Variants in CNTN4 observed in about 807,000 individuals in gnomAD.
CNTN4 encodes the protein contactin 4.
In CNTN4, 77 loss-of-function variants were observed where a neutral mutation model predicts 122.5. That is an observed-to-expected ratio of 0.63 (90% CI 0.52 to 0.76). CNTN4 has a LOEUF of 0.76. CNTN4 is among the 30% of genes least tolerant of loss of function. The pLI is 0.00. For missense variants in CNTN4, 1,256 were observed against 1,259.1 expected (o/e 1.00, Z 0.04); for synonymous variants, 512 against 447.0 (o/e 1.15, Z -1.83).
At chr3:2,334,121 T>G (rs895922840) in intron 2 of CNTN4, among the ~76,000 whole-genome samples, 18 of 152,208 alleles carry the variant, frequency 1.2e-4, no homozygotes, top group African/African-American at 4.3e-4. Flanking sequence ...TATCATTAAT[T>G]GAATACCTGC....
chr3:2,439,010 A>G (rs1162780967), intron 3 of CNTN4, among the ~76,000 whole-genome samples: 3 of 152,216 alleles, frequency 2.0e-5, no homozygotes, highest in African/African-American at 7.2e-5. Context: ...GACTGTGGCC[A>G]TGGTCACCCT....
intron 6 of CNTN4, among the ~76,000 whole-genome samples, chr3:2,754,735 G>T (rs373843302): frequency 6.7e-6 from 1 of 150,030 alleles, no homozygotes; most frequent in Non-Finnish European, 1.5e-5. Context: ...CTGCTGTTGC[G>T]GAATGAAGTG....
intron 3 of CNTN4, among the ~76,000 whole-genome samples, chr3:2,460,146 C>G (rs2049151712): frequency 6.6e-6 from 1 of 151,876 alleles, no homozygotes; most frequent in Non-Finnish European, 1.5e-5. Flanking sequence ...GGGAGGTCAC[C>G]CTGACAATAG....
intron 3 of CNTN4, among the ~76,000 whole-genome samples, chr3:2,372,184 A>C (rs1461612528): frequency 6.6e-6 from 1 of 152,228 alleles, no homozygotes; most frequent in East Asian, 1.9e-4. Context: ...AAGCACTTGC[A>C]GTAGCTCTAT....
intron 2 of CNTN4, among the ~76,000 whole-genome samples, chr3:2,178,454 A>T (rs116169278): frequency 0.14 from 20,849 of 151,718 alleles, 1,728 homozygotes; most frequent in South Asian, 0.23. Context: ...GTGATTTAGA[A>T]AAAAAAAATT....
chr3:2,686,664 T>C (rs1473627158), intron 4 of CNTN4, among the ~76,000 whole-genome samples: 1 of 152,190 alleles, frequency 6.6e-6, no homozygotes, highest in Non-Finnish European at 1.5e-5. Context: ...TCTGTGTGTC[T>C]GTGTGTGTTA....
chr3:2,559,059 C>G (rs557234007), intron 3 of CNTN4, among the ~76,000 whole-genome samples: 5 of 152,264 alleles, frequency 3.3e-5, no homozygotes, highest in African/African-American at 1.2e-4. Flanking sequence ...ACATATTTAT[C>G]ACTTGCTACC....
intron 3 of CNTN4, among the ~76,000 whole-genome samples, chr3:2,422,927 G>A (rs539453525): frequency 6.6e-6 from 1 of 152,324 alleles, no homozygotes; most frequent in African/African-American, 2.4e-5. Context: ...TTTGCCACCT[G>A]TCCTGGATGT....
intron 7 of CNTN4, among the ~76,000 whole-genome samples, chr3:2,843,845 G>A (rs1265125864): frequency 1.3e-5 from 2 of 152,080 alleles, no homozygotes; most frequent in Admixed American, 6.6e-5. Flanking sequence ...TTTCTTCATA[G>A]CAATACAGGA....
intron 4 of CNTN4, among the ~76,000 whole-genome samples, chr3:2,664,148 A>G (rs1473373289): frequency 6.6e-6 from 1 of 152,220 alleles, no homozygotes; most frequent in African/African-American, 2.4e-5. Context: ...GACTTTTTAA[A>G]TAGGTAAATT....
At chr3:3,030,602 A>G (rs936721340) in intron 15 of CNTN4, among the ~76,000 whole-genome samples, 1 of 152,192 alleles carries the variant, frequency 6.6e-6, no homozygotes, top group African/African-American at 2.4e-5. Flanking sequence ...CGTCCTTCCG[A>G]CATGGGTGCC....
intron 8 of CNTN4, among the ~76,000 whole-genome samples, chr3:2,869,795 C>T (rs1374220979): frequency 1.3e-5 from 2 of 152,150 alleles, no homozygotes; most frequent in African/African-American, 2.4e-5. Context: ...TTGGATTAAG[C>T]TACATTATAT....
chr3:2,235,218 T>G (rs2039635451), intron 2 of CNTN4, among the ~76,000 whole-genome samples: 1 of 152,206 alleles, frequency 6.6e-6, no homozygotes, highest in African/African-American at 2.4e-5. Context: ...TGAGATGTAA[T>G]GATGCCAACA....
chr3:2,581,583 G>A (rs995749465), intron 4 of CNTN4, among the ~76,000 whole-genome samples: 6 of 152,298 alleles, frequency 3.9e-5, no homozygotes, highest in African/African-American at 1.4e-4. Flanking sequence ...TCATAGAGGA[G>A]AGAATGTCAG....
At chr3:2,670,871 A>G (rs1045027838) in intron 4 of CNTN4, among the ~76,000 whole-genome samples, 1 of 152,220 alleles carries the variant, frequency 6.6e-6, no homozygotes, top group African/African-American at 2.4e-5. Context: ...TTGGCTGGAT[A>G]TGAAATTCTG....
At chr3:2,738,469 A>G (rs1262124614) in intron 5 of CNTN4, among the ~76,000 whole-genome samples, 1 of 152,218 alleles carries the variant, frequency 6.6e-6, no homozygotes, top group Non-Finnish European at 1.5e-5. Context: ...CACTAAAGGA[A>G]ATTTTAAAAG....
intron 4 of CNTN4, among the ~76,000 whole-genome samples, chr3:2,606,443 G>A (rs1349807599): frequency 6.6e-6 from 1 of 152,062 alleles, no homozygotes; most frequent in East Asian, 1.9e-4. Flanking sequence ...TATGGCACAC[G>A]TTTACCTATG....
intron 4 of CNTN4, among the ~76,000 whole-genome samples, chr3:2,713,908 G>C (rs2087312133): frequency 6.6e-6 from 1 of 152,124 alleles, no homozygotes. Flanking sequence ...TCAGATTTGT[G>C]ATCCGTAAAA....
At chr3:2,145,408 C>G (rs2035198423) in intron 2 of CNTN4, among the ~76,000 whole-genome samples, 1 of 152,216 alleles carries the variant, frequency 6.6e-6, no homozygotes, top group African/African-American at 2.4e-5. Flanking sequence ...ACTCCCTGTG[C>G]TACCACTAAT....
Sources: gnomAD v4.1 joint callset for allele counts (sites outside exome capture counted in the v4.1 genomes callset) on GRCh38, gnomAD v4.1.1 for gene constraint, MANE v1.5 for transcripts, NCBI Gene and HGNC (gene_info 2026-07-23, HGNC 2026-07-21) for gene names.